The following CTBP2 variants were observed in gnomAD, a reference collection of about 807,000 sequenced individuals.
CTBP2 encodes the protein C-terminal binding protein 2.
A neutral mutation model predicts 80.3 loss-of-function variants in CTBP2; 30 were observed. That is an observed-to-expected ratio of 0.37 (90% confidence interval 0.28 to 0.51). The LOEUF (loss-of-function observed/expected upper bound fraction) is 0.51, where lower values mean the gene tolerates loss of function less well. Ranked by LOEUF, CTBP2 falls within the 20% of genes least tolerant of loss-of-function variation. The pLI is 0.93. For missense variants in CTBP2, 1,212 were observed against 1,375.3 expected (o/e 0.88, Z 1.88); for synonymous variants, 594 against 587.4 (o/e 1.01, Z -0.16).
chr10:125,122,729 A>G (rs1437185809), intron 1 of CTBP2: 1 of 151,978 alleles, frequency 6.6e-6, no homozygotes, highest in African/African-American at 2.4e-5. Context: ...TCCCAATACG[A>G]CCCCATGGAC....
chr10:125,139,327 C>T (rs1857427899), intron 1 of CTBP2, among the ~76,000 whole-genome samples: 1 of 145,616 alleles, frequency 6.9e-6, no homozygotes, highest in South Asian at 2.2e-4. Context: ...CGAGATTGCA[C>T]CACTGTACAA....
At chr10:125,152,880 C>G (rs996613531) in intron 1 of CTBP2, among the ~76,000 whole-genome samples, 2 of 151,810 alleles carry the variant, frequency 1.3e-5, no homozygotes, top group African/African-American at 4.8e-5. Flanking sequence ...CGGACCACAG[C>G]TGAACGTCTG....
In CTBP2 at chr10:124,988,151, TTTTGA is replaced by T. The variant is rs1314916989; in HGVS notation, c.*1362_*1366del. ...GTGATAATGATGGACTTGTGTGAGG[TTTTGA>T]TTTTTCAATTAAACTTTTTGTTATC... On this transcript the variant is annotated 3_prime_UTR_variant, in exon 9 of 9. Coordinates refer to ENST00000309035, the MANE Select transcript of CTBP2 (RefSeq NM_022802.3). 3.1e-4 allele frequency: 47 copies of T among 152,536 alleles called. 1 individual carries two copies. Among genetic ancestry groups the T allele is most frequent in the Non-Finnish European group, 1.5e-5 (1 of 68,026 alleles). The allele number at this position is 152,536 out of a possible 1,614,324, so 9.4% of individuals were successfully genotyped here.
At chr10:124,998,756 T>C (rs1424080577) in intron 3 of CTBP2, 1 of 166,294 alleles carries the variant, frequency 6.0e-6, no homozygotes, top group Non-Finnish European at 1.3e-5. Context: ...AATCGCCCTG[T>C]GGTCATGTGC....
intron 3 of CTBP2, among the ~76,000 whole-genome samples, chr10:125,036,050 A>C (rs1031187478): frequency 6.6e-6 from 1 of 152,374 alleles, no homozygotes; most frequent in South Asian, 2.1e-4. Context: ...AAAGACCATT[A>C]TTCCAGCTCA....
intron 1 of CTBP2, among the ~76,000 whole-genome samples, chr10:125,125,825 T>C (rs1384246435): frequency 6.6e-6 from 1 of 152,186 alleles, no homozygotes; most frequent in Admixed American, 6.5e-5. Flanking sequence ...AAGGGAGCCA[T>C]AGCTCAGGGG....
At chr10:125,159,711 C>T (rs1270856304) in intron 1 of CTBP2, 6 of 148,370 alleles carry the variant, frequency 4.0e-5, no homozygotes, top group African/African-American at 1.5e-4. Context: ...CTTCTCCGCG[C>T]CCCCCCCACC....
intron 1 of CTBP2, among the ~76,000 whole-genome samples, chr10:125,140,609 G>C (rs1857637589): frequency 6.6e-6 from 1 of 152,152 alleles, no homozygotes; most frequent in Admixed American, 6.5e-5. Flanking sequence ...GATCACCTGA[G>C]GTCAGGAGTT....
At chr10:125,131,810 AC>A (rs1472937592) in intron 1 of CTBP2, among the ~76,000 whole-genome samples, 1 of 152,220 alleles carries the variant, frequency 6.6e-6, no homozygotes, top group East Asian at 1.9e-4. Context: ...CTGACAGTCA[AC>A]AGGAGAAAAA....
chr10:125,130,203 A>G (rs1855938362), intron 1 of CTBP2, among the ~76,000 whole-genome samples: 1 of 152,064 alleles, frequency 6.6e-6, no homozygotes, highest in Non-Finnish European at 1.5e-5. Flanking sequence ...GCACACCACC[A>G]TGCCCAGCTA....
intron 2 of CTBP2, among the ~76,000 whole-genome samples, chr10:125,049,830 A>G (rs1428310232): frequency 6.6e-6 from 1 of 152,180 alleles, no homozygotes; most frequent in Non-Finnish European, 1.5e-5. Flanking sequence ...GTTCCATGCC[A>G]GCCAAGTTAT....
At chr10:125,033,213 A>G (rs1958445902) in intron 3 of CTBP2, among the ~76,000 whole-genome samples, 1 of 152,152 alleles carries the variant, frequency 6.6e-6, no homozygotes, top group African/African-American at 2.4e-5. Flanking sequence ...GTGGGATCCC[A>G]CTGTGCCCCA....
chr10:125,083,363 C>T (rs1023580860), intron 2 of CTBP2, among the ~76,000 whole-genome samples: 13 of 152,264 alleles, frequency 8.5e-5, no homozygotes, highest in Admixed American at 7.2e-4. Flanking sequence ...TCGGTGAAAA[C>T]AGAGGCCCAT....
At chr10:125,152,387 G>A (rs1237395873) in intron 1 of CTBP2, among the ~76,000 whole-genome samples, 2 of 152,208 alleles carry the variant, frequency 1.3e-5, no homozygotes, top group African/African-American at 4.8e-5. Flanking sequence ...AGAAGGTCGC[G>A]CAGGACACCG....
At chr10:125,084,841 C>A (rs1322607293) in intron 2 of CTBP2, among the ~76,000 whole-genome samples, 2 of 152,192 alleles carry the variant, frequency 1.3e-5, no homozygotes, top group African/African-American at 4.8e-5. Flanking sequence ...ACTGCTGCCC[C>A]AAGTCTGCCC....
chr10:125,017,531 C>G (rs747717999), intron 1 of CTBP2, among the ~76,000 whole-genome samples: 1 of 152,228 alleles, frequency 6.6e-6, no homozygotes, highest in Non-Finnish European at 1.5e-5. Flanking sequence ...ATTTACTTTT[C>G]CATTTATTAA....
chr10:125,136,041 C>T (rs952981180), intron 1 of CTBP2, among the ~76,000 whole-genome samples: 2 of 152,250 alleles, frequency 1.3e-5, no homozygotes, highest in East Asian at 1.9e-4. Flanking sequence ...TCATTAGAGT[C>T]ACCTGGGAAC....
chr10:125,117,466 C>A (rs918784806), intron 1 of CTBP2, among the ~76,000 whole-genome samples: 1 of 152,168 alleles, frequency 6.6e-6, no homozygotes, highest in Non-Finnish European at 1.5e-5. Context: ...TGGGACGGCA[C>A]CCCCCAAGCC....
At position 125,020,288 on chromosome 10, in the gene CTBP2, T is replaced by C. The variant is rs1956906304; in HGVS notation, c.1678+5794A>G. ...AGGTGTGATGTGGTTCTCACAGCACTGGGTGGGGGTTGGGGGGATGGGATG... is the reference window on the plus strand; with the variant it reads ...AGGTGTGATGTGGTTCTCACAGCACCGGGTGGGGGTTGGGGGGATGGGATG... On this transcript the variant is annotated intron_variant, in intron 1 of 8. Transcript: ENST00000309035. 7.2e-5 allele frequency among the ~76,000 whole-genome samples: 11 copies of C among 151,774 alleles called. No individual in the cohort carries two copies. The South Asian group carries it at 2.1e-3, about 29-fold the overall frequency.
Sources: allele counts gnomAD v4.1 joint callset (sites outside exome capture counted in the v4.1 genomes callset), GRCh38; gene constraint gnomAD v4.1.1; transcripts MANE v1.5; gene names NCBI Gene and HGNC (gene_info 2026-07-23, HGNC 2026-07-21).